GYPE: variants seen among roughly 807,000 people sequenced by gnomAD.
The protein encoded by GYPE is glycophorin E (MNS blood group).
GYPE carries 8 observed loss-of-function variants against 11.6 expected under a neutral mutation model. The ratio of observed to expected loss-of-function variants is 0.69; its 90% confidence interval spans 0.41 to 1.25. The LOEUF (loss-of-function observed/expected upper bound fraction) is 1.25. Ranked by LOEUF, GYPE falls within the 50% of genes most tolerant of loss-of-function variation. The pLI is 0.01. For synonymous variants in GYPE, 28 were observed against 29.6 expected (o/e 0.94, Z 0.18); for missense variants, 90 against 92.8 (o/e 0.97, Z 0.12).
chr4:143,875,435 T>C (rs986668802), intron 3 of GYPE: 48 of 1,549,840 alleles, frequency 3.1e-5, no homozygotes, highest in East Asian at 2.4e-5. Context: ...TGCAGCCAGT[T>C]TGCATAAGCA....
intron 1 of GYPE, among the ~76,000 whole-genome samples, chr4:143,898,229 T>G (rs1744734261): frequency 1.3e-5 from 2 of 152,046 alleles, no homozygotes; most frequent in Non-Finnish European, 2.9e-5. Flanking sequence ...TACAAAAAAT[T>G]AACTGGGCGT....
At chr4:143,903,868 C>T (rs112765832) in intron 1 of GYPE, among the ~76,000 whole-genome samples, 2,145 of 152,008 alleles carry the variant, frequency 0.014, 56 homozygotes, top group African/African-American at 0.049. Context: ...GTAAGTCACA[C>T]AGAGTTTTCC....
intron 1 of GYPE, among the ~76,000 whole-genome samples, chr4:143,901,899 G>C (rs1236408230): frequency 1.3e-5 from 2 of 151,972 alleles, no homozygotes; most frequent in Admixed American, 1.3e-4. Flanking sequence ...CTGCAAAGGA[G>C]TTCACAGTGG....
intron 1 of GYPE, among the ~76,000 whole-genome samples, chr4:143,900,880 A>T (rs1310247993): frequency 1.3e-5 from 2 of 152,178 alleles, no homozygotes; most frequent in East Asian, 3.8e-4. Flanking sequence ...GGAGTGATGA[A>T]AATGTTCTGG....
chr4:143,887,595 AGAG>A (rs1363750916), intron 1 of GYPE, among the ~76,000 whole-genome samples: 1 of 19,180 alleles, frequency 5.2e-5, no homozygotes, highest in African/African-American at 5.9e-5. Flanking sequence ...GTGAAGATGC[AGAG>A]GAGGAGGGAT....
Position 143,900,065 on chromosome 4 carries a change from C to T in GYPE, c.37+5406G>A, listed in dbSNP as rs1274658833. Among the ~76,000 whole-genome samples the T allele has an allele frequency of 4.0e-5, 6 of 149,584 alleles. No homozygotes were observed. The South Asian group carries it at 1.1e-3, about 27-fold the overall frequency. On this transcript the variant is annotated intron_variant, in intron 1 of 3. Coordinates refer to ENST00000358615, the MANE Select transcript of GYPE (RefSeq NM_198682.3). ...AGTATATCGGATAAGACTCTTTATC[C>T]AGAACATAGAAAGAACTCTTACAAC...
intron 2 of GYPE, among the ~76,000 whole-genome samples, chr4:143,879,114 C>T (rs1430234631): frequency 6.6e-6 from 1 of 152,158 alleles, no homozygotes; most frequent in Non-Finnish European, 1.5e-5. Context: ...ATGCCACAGC[C>T]ACTGTCTGAA....
Position 143,880,437 on chromosome 4 carries a change from T to C in GYPE, c.110A>G (p.Lys37Arg), listed in dbSNP as rs559232301. The C allele has an allele frequency of 3.8e-5, 61 of 1,614,006 alleles. No homozygotes were observed. The African/African-American group carries it at 6.9e-4, about 18-fold the overall frequency. ...MHTSTSSSVT[K>R]SYISSQTNGI... ...ATTTGTCTGTGATGAGATGTAACTC[T>C]TTGTGACTGAAGAAGAGGTTGAAGT... Residue 37 changes from lysine to arginine, a missense_variant, in exon 2 of 4, where the codon AAG becomes AGG. Coordinates refer to ENST00000358615, the MANE Select transcript of GYPE (RefSeq NM_198682.3).
intron 1 of GYPE, among the ~76,000 whole-genome samples, chr4:143,882,246 A>G (rs1322945690): frequency 1.3e-5 from 2 of 151,934 alleles, no homozygotes; most frequent in Non-Finnish European, 2.9e-5. Context: ...GGCTTTTAAG[A>G]TAATATAAAA....
intron 3 of GYPE, among the ~76,000 whole-genome samples, chr4:143,876,348 A>G (rs1370687895): frequency 6.6e-6 from 1 of 152,166 alleles, no homozygotes; most frequent in Non-Finnish European, 1.5e-5. Context: ...TCCTGAGCTC[A>G]AACAATCCTC....
chr4:143,881,592 C>T (rs1168578712), intron 1 of GYPE, among the ~76,000 whole-genome samples: 1 of 152,114 alleles, frequency 6.6e-6, no homozygotes, highest in African/African-American at 2.4e-5. Flanking sequence ...TGACTTTCTA[C>T]TTAATATGCC....
chr4:143,878,472 A>T (rs1255808657), intron 2 of GYPE, among the ~76,000 whole-genome samples: 1 of 152,184 alleles, frequency 6.6e-6, no homozygotes, highest in Non-Finnish European at 1.5e-5. Flanking sequence ...TGCCTATTTT[A>T]ATTTTAAAAA....
rs1329321268 is a variant in GYPE at position 143,871,461 on chromosome 4, G to C, written c.*801C>G. The C allele has an allele frequency of 2.0e-5, 3 of 152,132 alleles. No individual in the cohort carries two copies. Among genetic ancestry groups the C allele is most frequent in the African/African-American group, 4.8e-5 (2 of 41,406 alleles). 9.4% of individuals were successfully genotyped at this position (152,132 alleles called of 1,614,324 possible). On this transcript the variant is annotated 3_prime_UTR_variant, in exon 4 of 4. Coordinates refer to ENST00000358615, the MANE Select transcript of GYPE (RefSeq NM_198682.3). ...ATTACTGAGTTTGTGTTCACTGCTG[G>C]GGCCAGATCTCTTTGCAGGGCTATG...
chr4:143,896,093 A>T (rs1365539699), intron 1 of GYPE, among the ~76,000 whole-genome samples: 2 of 152,324 alleles, frequency 1.3e-5, no homozygotes, highest in South Asian at 2.1e-4. Flanking sequence ...GGACATAGGA[A>T]TGGGCAAGGA....
chr4:143,888,626 G>A (rs2149910180), intron 1 of GYPE, among the ~76,000 whole-genome samples: 1 of 149,932 alleles, frequency 6.7e-6, no homozygotes, highest in South Asian at 2.2e-4. Flanking sequence ...TGCCTTTTCT[G>A]CCCAATCTCA....
At chr4:143,896,187 C>T (rs1350065608) in intron 1 of GYPE, among the ~76,000 whole-genome samples, 1 of 152,074 alleles carries the variant, frequency 6.6e-6, no homozygotes, top group African/African-American at 2.4e-5. Flanking sequence ...AGCTTCTGCA[C>T]AGCAAAAGAA....
intron 1 of GYPE, among the ~76,000 whole-genome samples, chr4:143,890,300 A>C (rs1744354261): frequency 1.3e-5 from 2 of 152,164 alleles, no homozygotes; most frequent in South Asian, 4.1e-4. Context: ...CCTACTAAAG[A>C]ATCCTCAGAA....
At chr4:143,889,943 T>C (rs1178711109) in intron 1 of GYPE, among the ~76,000 whole-genome samples, 3 of 152,218 alleles carry the variant, frequency 2.0e-5, no homozygotes, top group Non-Finnish European at 4.4e-5. Context: ...CCTGTGTAAC[T>C]ACAGAACTGT....
chr4:143,874,142 A>G (rs1348471616), intron 3 of GYPE, among the ~76,000 whole-genome samples: 2 of 152,148 alleles, frequency 1.3e-5, no homozygotes, highest in African/African-American at 4.8e-5. Context: ...GAAAAAGTTA[A>G]TGGCTTTTGT....
Sources: allele counts gnomAD v4.1 joint callset (sites outside exome capture counted in the v4.1 genomes callset), GRCh38; gene constraint gnomAD v4.1.1; transcripts MANE v1.5; gene names NCBI Gene and HGNC (gene_info 2026-07-23, HGNC 2026-07-21).